TBC1D5: variants seen among roughly 807,000 people sequenced by gnomAD.
The protein encoded by TBC1D5 is TBC1 domain family member 5.
A neutral mutation model predicts 100.3 loss-of-function variants in TBC1D5; 75 were observed. The ratio of observed to expected loss-of-function variants is 0.75; its 90% CI spans 0.62 to 0.91. The LOEUF (loss-of-function observed/expected upper bound fraction) is 0.91, where lower values mean the gene tolerates loss of function less well. Ranked by LOEUF, TBC1D5 falls within the 40% of genes least tolerant of loss-of-function variation. The pLI is 0.00. For missense variants in TBC1D5, 910 were observed against 942.4 expected, an observed-to-expected ratio of 0.97 and a Z score of 0.45; for synonymous variants, 323 against 325.6, an observed-to-expected ratio of 0.99 and a Z score of 0.09.
chr3:17,251,111 A>C (rs1210998917), intron 16 of TBC1D5, among the ~76,000 whole-genome samples: 7 of 152,186 alleles, frequency 4.6e-5, no homozygotes, highest in Admixed American at 4.6e-4. Context: ...AAGCTTGATA[A>C]TCTTACCAAA....
At chr3:17,259,565 T>G (rs2078067802) in intron 15 of TBC1D5, among the ~76,000 whole-genome samples, 1 of 152,100 alleles carries the variant, frequency 6.6e-6, no homozygotes, top group African/African-American at 2.4e-5. Flanking sequence ...AATAATTAGG[T>G]TTTTGAACCA....
intron 2 of TBC1D5, among the ~76,000 whole-genome samples, chr3:17,510,188 G>C (rs1209094286): frequency 2.0e-5 from 3 of 151,984 alleles, no homozygotes; most frequent in African/African-American, 7.2e-5. Context: ...TGGAGGAAAA[G>C]CTCCAGAGAT....
chr3:17,637,082 C>T (rs1345477297), intron 1 of TBC1D5, among the ~76,000 whole-genome samples: 3 of 147,470 alleles, frequency 2.0e-5, no homozygotes, highest in Non-Finnish European at 4.5e-5. Flanking sequence ...AGTGCAGTGG[C>T]GTGATCTCAG....
At chr3:17,458,388 T>C (rs1389440598) in intron 3 of TBC1D5, among the ~76,000 whole-genome samples, 1 of 152,200 alleles carries the variant, frequency 6.6e-6, no homozygotes, top group Non-Finnish European at 1.5e-5. Context: ...CCTCAGGCTA[T>C]GGCTGCTGTA....
chr3:17,167,908 C>T, intron 19 of TBC1D5, 80 bp from the exon 21 acceptor site: 1 of 1,060,384 alleles, frequency 9.4e-7, no homozygotes, highest in Non-Finnish European at 1.4e-6. Flanking sequence ...TTCAGACGGG[C>T]TTGGGAAGTT....
chr3:17,242,824 GAT>G (rs948661836), intron 16 of TBC1D5, among the ~76,000 whole-genome samples: 1 of 151,440 alleles, frequency 6.6e-6, no homozygotes. Flanking sequence ...AAAATAAACC[GAT>G]ATATATATAT....
chr3:17,676,085 T>G (rs1012946243), intron 1 of TBC1D5, among the ~76,000 whole-genome samples: 1 of 152,110 alleles, frequency 6.6e-6, no homozygotes, highest in African/African-American at 2.4e-5. Context: ...TAAAGACATT[T>G]CTCTGATTAC....
intron 2 of TBC1D5, among the ~76,000 whole-genome samples, chr3:17,540,535 G>T (rs2096340792): frequency 6.6e-6 from 1 of 151,946 alleles, no homozygotes; most frequent in Non-Finnish European, 1.5e-5. Flanking sequence ...TTTTTTACAT[G>T]TGGCTATCCC....
chr3:17,491,262 A>G (rs113735997), intron 3 of TBC1D5, among the ~76,000 whole-genome samples: 2,969 of 152,238 alleles, frequency 0.02, 94 homozygotes, highest in African/African-American at 0.066. Flanking sequence ...GCATACAAAG[A>G]TAGTCTGACT....
At chr3:17,471,824 A>G (rs770789030) in intron 3 of TBC1D5, among the ~76,000 whole-genome samples, 1 of 152,234 alleles carries the variant, frequency 6.6e-6, no homozygotes, top group Non-Finnish European at 1.5e-5. Flanking sequence ...AATTAAAAAC[A>G]AGAAAGAAAC....
chr3:17,426,172 A>G (rs1253689276), intron 4 of TBC1D5, among the ~76,000 whole-genome samples: 1 of 152,178 alleles, frequency 6.6e-6, no homozygotes, highest in Non-Finnish European at 1.5e-5. Flanking sequence ...ACCTATGTCT[A>G]GTTAGTTTAA....
chr3:17,449,514 C>G (rs1016035942), intron 3 of TBC1D5, among the ~76,000 whole-genome samples: 4 of 152,212 alleles, frequency 2.6e-5, no homozygotes, highest in African/African-American at 9.6e-5. Flanking sequence ...GCACAGCAAT[C>G]TGAAGTCGAC....
intron 1 of TBC1D5, among the ~76,000 whole-genome samples, chr3:17,738,109 T>C (rs886932537): frequency 4.6e-5 from 7 of 152,250 alleles, no homozygotes; most frequent in African/African-American, 1.7e-4. Flanking sequence ...CCCTACTTTC[T>C]TGTTTTGAAA....
intron 13 of TBC1D5, among the ~76,000 whole-genome samples, chr3:17,328,969 G>A (rs1352165834): frequency 6.6e-6 from 1 of 152,138 alleles, no homozygotes; most frequent in African/African-American, 2.4e-5. Context: ...ATGTTTGGTG[G>A]GTAACACTGA....
At chr3:17,335,270 G>A (rs912409152) in intron 13 of TBC1D5, among the ~76,000 whole-genome samples, 1 of 152,112 alleles carries the variant, frequency 6.6e-6, no homozygotes, top group African/African-American at 2.4e-5. Flanking sequence ...TCAAGTGGCT[G>A]TTACTTTGGA....
chr3:17,271,573 T>G (rs2079429357), intron 15 of TBC1D5, among the ~76,000 whole-genome samples: 1 of 152,202 alleles, frequency 6.6e-6, no homozygotes, highest in Non-Finnish European at 1.5e-5. Flanking sequence ...GACTACCTTT[T>G]TTCCTACTTG....
At chr3:17,159,901 T>C (rs2065890886) in exon 22 of TBC1D5, 1 of 152,258 alleles carries the variant, frequency 6.6e-6, no homozygotes, top group Admixed American at 6.5e-5. Context: ...CAGAAGGGAC[T>C]CTAGGTCCAA....
chr3:17,218,867 T>G (rs2073951861), intron 17 of TBC1D5, among the ~76,000 whole-genome samples: 1 of 151,960 alleles, frequency 6.6e-6, no homozygotes. Flanking sequence ...AGTCTGACTA[T>G]GATATATCTA....
chr3:17,616,332 T>C (rs1303210214), intron 2 of TBC1D5, among the ~76,000 whole-genome samples: 1 of 152,198 alleles, frequency 6.6e-6, no homozygotes, highest in Non-Finnish European at 1.5e-5. Flanking sequence ...TTAGAATAAG[T>C]ACAATATGGT....
Sources: gnomAD v4.1 joint callset for allele counts (sites outside exome capture counted in the v4.1 genomes callset) on GRCh38, gnomAD v4.1.1 for gene constraint, MANE v1.5 for transcripts, NCBI Gene and HGNC (gene_info 2026-07-23, HGNC 2026-07-21) for gene names.